Variants in TPTE2 observed in about 807,000 individuals in gnomAD.
The protein encoded by TPTE2 is transmembrane phosphoinositide 3-phosphatase and tensin homolog 2.
Under a neutral mutation model 78.6 loss-of-function variants are expected in TPTE2, and 53 were observed. The ratio of observed to expected loss-of-function variants is 0.67; its 90% confidence interval spans 0.54 to 0.85. The LOEUF (loss-of-function observed/expected upper bound fraction) is 0.85. TPTE2 is among the 40% of genes least tolerant of loss of function. TPTE2 has a pLI of 0.00. For missense variants in TPTE2, 461 were observed against 623.0 expected (o/e 0.74, Z 2.77); for synonymous variants, 175 against 206.2 (o/e 0.85, Z 1.30).
At chr13:19,483,726 G>A (rs1218606229) in intron 3 of TPTE2, among the ~76,000 whole-genome samples, 3 of 152,158 alleles carry the variant, frequency 2.0e-5, no homozygotes, top group African/African-American at 4.8e-5. Context: ...TTGTTCAGTG[G>A]TTTATTTGAA....
intron 4 of TPTE2, among the ~76,000 whole-genome samples, chr13:19,477,616 A>C (rs147124139): frequency 3.9e-5 from 6 of 152,308 alleles, no homozygotes; most frequent in African/African-American, 1.4e-4. Context: ...TCCAGGTATC[A>C]AGGAAATGTC....
intron 1 of TPTE2, among the ~76,000 whole-genome samples, chr13:19,513,876 T>C (rs1869618074): frequency 6.6e-6 from 1 of 152,188 alleles, no homozygotes; most frequent in Non-Finnish European, 1.5e-5. Context: ...ATTTCCTAAT[T>C]ATCAAGTCCC....
intron 3 of TPTE2, among the ~76,000 whole-genome samples, chr13:19,488,491 C>T (rs1880791077): frequency 6.6e-6 from 1 of 152,262 alleles, no homozygotes; most frequent in Non-Finnish European, 1.5e-5. Context: ...TCAGCTAGAT[C>T]TTCTGGATAA....
chr13:19,507,478 G>A (rs1312051251), upstream of TPTE2, among the ~76,000 whole-genome samples: 1 of 152,054 alleles, frequency 6.6e-6, no homozygotes, highest in African/African-American at 2.4e-5. Context: ...CCATCCTTGG[G>A]CCTTCACTCC....
intron 1 of TPTE2, among the ~76,000 whole-genome samples, chr13:19,496,221 A>T (rs1881303389): frequency 6.6e-6 from 1 of 152,212 alleles, no homozygotes; most frequent in Non-Finnish European, 1.5e-5. Context: ...TCATGTGTGT[A>T]TTTGGTTCTT....
chr13:19,434,406 A>G (rs2137484483), intron 15 of TPTE2, among the ~76,000 whole-genome samples: 1 of 152,330 alleles, frequency 6.6e-6, no homozygotes, highest in Non-Finnish European at 1.5e-5. Flanking sequence ...GCATGCACAT[A>G]GTGGAAGAGA....
intron 1 of TPTE2, among the ~76,000 whole-genome samples, chr13:19,508,712 T>A (rs1869235610): frequency 1.3e-5 from 2 of 152,100 alleles, no homozygotes; most frequent in African/African-American, 4.8e-5. Flanking sequence ...ACATCTAGAA[T>A]ATGGAAATCT....
chr13:19,509,099 A>G (rs1869261181), intron 1 of TPTE2, among the ~76,000 whole-genome samples: 1 of 152,280 alleles, frequency 6.6e-6, no homozygotes, highest in South Asian at 2.1e-4. Flanking sequence ...CTGATTGATA[A>G]TAACATGACA....
chr13:19,442,482 A>G (rs1253069365), intron 13 of TPTE2, among the ~76,000 whole-genome samples: 5 of 152,104 alleles, frequency 3.3e-5, no homozygotes, highest in Non-Finnish European at 5.9e-5. Flanking sequence ...AGAGTGGCCA[A>G]CACTCTAAGA....
At chr13:19,430,097 A>C (rs1432292311) in intron 17 of TPTE2, among the ~76,000 whole-genome samples, 1 of 152,218 alleles carries the variant, frequency 6.6e-6, no homozygotes, top group Non-Finnish European at 1.5e-5. Context: ...AAACTTTTAG[A>C]ATCAGTGCTA....
chr13:19,560,317 C>A, the TPTE2 span: 3 of 1,389,228 alleles, frequency 2.2e-6, no homozygotes, highest in Non-Finnish European at 3.0e-6. Flanking sequence ...GTACTCCCCT[C>A]GCTCCAGCCG....
rs1326256839 is a variant in TPTE2, at chr13:19,486,399, G to T, written c.120-3852C>A. Among the ~76,000 whole-genome samples the T allele has an allele frequency of 6.6e-6, 1 of 152,168 alleles. No individual in the cohort carries two copies. Among genetic ancestry groups the T allele is most frequent in the Non-Finnish European group, 1.5e-5 (1 of 68,024 alleles). On this transcript the variant is annotated intron_variant, in intron 3 of 19. Transcript: ENST00000400230. This position sits in a 1 kb window ranked among gnomAD's most constrained non-coding sequence, Gnocchi z 4.3. ...GTTTCTCAGGGTAGGGGTGTGTGCAGGCATACACTGGGTCAGAAAACTTGG... is the reference window on the plus strand; with the variant it reads ...GTTTCTCAGGGTAGGGGTGTGTGCATGCATACACTGGGTCAGAAAACTTGG...
upstream of TPTE2, among the ~76,000 whole-genome samples, chr13:19,540,749 T>C (rs141732782): frequency 8.6e-3 from 1,315 of 152,342 alleles, 15 homozygotes; most frequent in Non-Finnish European, 0.015. Flanking sequence ...ATAAATTATA[T>C]TTTTACATGT....
intron 13 of TPTE2, among the ~76,000 whole-genome samples, chr13:19,446,039 T>C (rs796367464): frequency 3.9e-5 from 6 of 152,268 alleles, no homozygotes; most frequent in African/African-American, 1.4e-4. Context: ...ACAATTTGTG[T>C]AGGAATGAAT....
chr13:19,504,699 C>A (rs1195020584), upstream of TPTE2, among the ~76,000 whole-genome samples: 3 of 152,022 alleles, frequency 2.0e-5, no homozygotes, highest in African/African-American at 7.2e-5. Context: ...CCAATTTAAT[C>A]AAAAAGTTGG....
chr13:19,496,504 G>C (rs1235293150), intron 1 of TPTE2, among the ~76,000 whole-genome samples: 3 of 152,154 alleles, frequency 2.0e-5, no homozygotes, highest in African/African-American at 7.2e-5. Flanking sequence ...TCCTGTCCAT[G>C]GGACACAGGC....
chr13:19,517,911 A>G (rs1869904314), intron 1 of TPTE2, among the ~76,000 whole-genome samples: 1 of 152,218 alleles, frequency 6.6e-6, no homozygotes, highest in African/African-American at 2.4e-5. Context: ...ACCTCAGAGC[A>G]GAGATTATCT....
intron 6 of TPTE2, among the ~76,000 whole-genome samples, chr13:19,472,662 T>A (rs1482132495): frequency 6.6e-6 from 1 of 152,226 alleles, no homozygotes; most frequent in Non-Finnish European, 1.5e-5. Context: ...GATTGGCTCC[T>A]GGTGTCTTAT....
At chr13:19,549,036 C>T in the TPTE2 span, among the ~76,000 whole-genome samples, 1 of 149,104 alleles carries the variant, frequency 6.7e-6, no homozygotes, top group Non-Finnish European at 1.5e-5. Context: ...AGGAGAATCA[C>T]TTAAGCCTGG....
Sources: gnomAD v4.1 joint callset for allele counts (sites outside exome capture counted in the v4.1 genomes callset) on GRCh38, gnomAD v4.1.1 for gene constraint, Gnocchi (gnomAD v3.1) non-coding constraint, MANE v1.5 for transcripts, NCBI Gene and HGNC (gene_info 2026-07-23, HGNC 2026-07-21) for gene names.